ADGRG6: variants seen among roughly 807,000 people sequenced by gnomAD.
The protein encoded by ADGRG6 is G-protein coupled receptor 126.
Under a neutral mutation model 142.4 loss-of-function variants are expected in ADGRG6, and 84 were observed. The ratio of observed to expected loss-of-function variants is 0.59; its 90% CI spans 0.49 to 0.71. The LOEUF is 0.71. ADGRG6 is among the 30% of genes least tolerant of loss of function. The pLI is 0.00. For synonymous variants in ADGRG6, 521 were observed against 520.5 expected (o/e 1.00, Z -0.01); for missense variants, 1,367 against 1,466.6 (o/e 0.93, Z 1.11).
chr6:142,367,462 T>C, intron 2 of ADGRG6, 107 bp from the exon 3 acceptor site: 2 of 691,678 alleles, frequency 2.9e-6, no homozygotes, highest in Non-Finnish European at 4.8e-6. Flanking sequence ...TATGTTGGTA[T>C]TTTTAAATAT....
At chr6:142,302,670 G>A (rs1406602682) in intron 1 of ADGRG6, 2 of 339,378 alleles carry the variant, frequency 5.9e-6, no homozygotes, top group East Asian at 1.0e-4. Flanking sequence ...AACAGGCACC[G>A]CTCCTCAGTC....
intron 1 of ADGRG6, among the ~76,000 whole-genome samples, chr6:142,305,965 C>T (rs568221246): frequency 6.6e-6 from 1 of 152,036 alleles, no homozygotes; most frequent in East Asian, 1.9e-4. Flanking sequence ...AAAAGAAAAA[C>T]GATTATGAGC....
intron 4 of ADGRG6, among the ~76,000 whole-genome samples, chr6:142,374,496 A>C (rs1391176057): frequency 6.6e-6 from 1 of 152,232 alleles, no homozygotes; most frequent in Non-Finnish European, 1.5e-5. Context: ...AGCTGGAGCT[A>C]AATGGTGGCT....
At chr6:142,374,810 T>G (rs1212269478) in intron 4 of ADGRG6, among the ~76,000 whole-genome samples, 1 of 152,238 alleles carries the variant, frequency 6.6e-6, no homozygotes, top group Non-Finnish European at 1.5e-5. Context: ...GAACTATATG[T>G]GTTTATGGTA....
chr6:142,385,069 G>A (rs1474360936), intron 6 of ADGRG6, among the ~76,000 whole-genome samples: 3 of 151,924 alleles, frequency 2.0e-5, no homozygotes, highest in African/African-American at 4.8e-5. Flanking sequence ...CTCTTTGTAT[G>A]AACATACAAA....
intron 10 of ADGRG6, among the ~76,000 whole-genome samples, chr6:142,399,952 A>T (rs1287410073): frequency 1.3e-5 from 2 of 152,192 alleles, no homozygotes; most frequent in African/African-American, 4.8e-5. Flanking sequence ...AAGAAGTCTG[A>T]GAGTTTGTTG....
Position 142,417,333 on chromosome 6 carries a change from GA to G in ADGRG6, c.3003del (p.Glu1002LysfsTer22). The G allele has an allele frequency of 6.2e-7, 1 of 1,600,118 alleles. No individual in the cohort carries two copies. The highest frequency in any genetic ancestry group is 8.6e-7 in the Non-Finnish European group (1 of 1,168,832). ...AGCAGAAACAACAATGAAGTCTATG[GA>G]AAAGAAAGTTATGGGAAAGAAAAAG... Reference protein sequence around the residue: ...LASRNNNEVYGKESYGKEKGD... With the variant: ...LASRNNNEVYXKESYGKEKGD... On this transcript the variant is annotated frameshift_variant, in exon 21 of 25. Transcript: ENST00000367609. LOFTEE classifies it high-confidence loss of function.
chr6:142,408,356 A>G lies in ADGRG6; in HGVS notation c.2388+87A>G, dbSNP rs1775920707. 3 of 1,004,816 alleles carry G rather than the reference A, an allele frequency of 3.0e-6. No individual in the cohort carries two copies. In the Admixed American group the frequency reaches 8.4e-5, roughly 28 times the overall value. 62.2% of individuals were successfully genotyped at this position (1,004,816 alleles called of 1,614,324 possible). A position where few individuals can be genotyped will look rare whatever the true frequency, so the allele number is the denominator to read the frequency against. The stretch of plus-strand genomic sequence containing the variant: ...CTTTTTTTCTACATGTTAAAAAGTA[A>G]CTGACCCTTTTTTTGTGGAGTAGGG... On this transcript the variant is annotated intron_variant, in intron 16 of 24. Coordinates refer to ENST00000367609, the MANE Select transcript of ADGRG6 (RefSeq NM_198569.3).
At chr6:142,408,352 A>G (rs1775920528) in intron 16 of ADGRG6, 83 bp downstream of exon 16, 5 of 1,035,064 alleles carry the variant, frequency 4.8e-6, no homozygotes, top group African/African-American at 1.6e-5. Flanking sequence ...CATGTTAAAA[A>G]GTAACTGACC....
At chr6:142,442,892 ATTTATAGCCAG>A (rs1777825663) in intron 24 of ADGRG6, among the ~76,000 whole-genome samples, 1 of 152,120 alleles carries the variant, frequency 6.6e-6, no homozygotes, top group African/African-American at 2.4e-5. Context: ...GTAACCATCA[ATTTATAGCCAG>A]TTATACACCC....
intron 8 of ADGRG6, among the ~76,000 whole-genome samples, chr6:142,393,447 T>C (rs899298018): frequency 6.6e-6 from 1 of 152,092 alleles, no homozygotes; most frequent in African/African-American, 2.4e-5. Flanking sequence ...TATTTATATT[T>C]AAATCCTCCA....
chr6:142,323,119 ATTT>A (rs35025773), intron 2 of ADGRG6, among the ~76,000 whole-genome samples: 24 of 143,062 alleles, frequency 1.7e-4, no homozygotes, highest in Middle Eastern at 3.6e-3. Context: ...AATGTCACTT[ATTT>A]TTTTTTTTTT....
At chr6:142,418,864 G>A (rs1293016277) in intron 21 of ADGRG6, among the ~76,000 whole-genome samples, 2 of 152,074 alleles carry the variant, frequency 1.3e-5, no homozygotes, top group Admixed American at 6.6e-5. Flanking sequence ...AATTCCTATA[G>A]CGTCGATTAG....
intron 3 of ADGRG6, 52 bp from the exon 4 acceptor site, chr6:142,370,118 G>T: frequency 4.7e-6 from 7 of 1,492,800 alleles, no homozygotes; most frequent in African/African-American, 1.4e-5. Context: ...CATCACATTA[G>T]TCTGTGTTCT....
chr6:142,361,882 G>A (rs1403541068), intron 2 of ADGRG6, among the ~76,000 whole-genome samples: 5 of 152,016 alleles, frequency 3.3e-5, no homozygotes, highest in Admixed American at 3.3e-4. Context: ...AAATATGTGT[G>A]GGTGTGTGTA....
intron 1 of ADGRG6, among the ~76,000 whole-genome samples, chr6:142,304,398 A>G (rs749051789): frequency 3.9e-5 from 6 of 152,198 alleles, no homozygotes; most frequent in Admixed American, 6.5e-5. Flanking sequence ...CAAGACTTGC[A>G]TTAATTCGTC....
intron 21 of ADGRG6, 48 bp downstream of exon 21, chr6:142,417,417 G>A (rs1187899201): frequency 2.4e-6 from 2 of 827,162 alleles, no homozygotes; most frequent in African/African-American, 3.4e-5. Context: ...TTTGTTTCCT[G>A]AAGTTTAGCA....
intron 22 of ADGRG6, among the ~76,000 whole-genome samples, chr6:142,434,612 C>T (rs1410250155): frequency 2.0e-5 from 3 of 152,094 alleles, no homozygotes; most frequent in African/African-American, 4.8e-5. Context: ...TAAGCCACCG[C>T]GTCCGGCCCT....
chr6:142,420,866 C>T (rs901487654), intron 22 of ADGRG6, among the ~76,000 whole-genome samples: 2 of 151,824 alleles, frequency 1.3e-5, no homozygotes, highest in Non-Finnish European at 2.9e-5. Flanking sequence ...TTGAATATAC[C>T]CTGTACTGTT....
Sources: allele counts gnomAD v4.1 joint callset (sites outside exome capture counted in the v4.1 genomes callset), GRCh38; gene constraint gnomAD v4.1.1; transcripts MANE v1.5; gene names NCBI Gene and HGNC (gene_info 2026-07-23, HGNC 2026-07-21).